The following HS3ST4 variants were observed in gnomAD, a reference collection of about 807,000 sequenced individuals.
The protein encoded by HS3ST4 is heparan sulfate glucosamine 3-O-sulfotransferase 4.
Under a neutral mutation model 29.2 loss-of-function variants are expected in HS3ST4, and 17 were observed. The observed-to-expected ratio is 0.58, with a 90% CI of 0.40 to 0.87. HS3ST4 has a LOEUF of 0.87. HS3ST4 is among the 40% of genes least tolerant of loss of function. The pLI is 0.00. For synonymous variants in HS3ST4, 314 were observed against 285.7 expected, an observed-to-expected ratio of 1.10 and a Z score of -1.00; for missense variants, 627 against 634.5, an observed-to-expected ratio of 0.99 and a Z score of 0.13.
chr16:25,742,270 G>A (rs887530260), intron 1 of HS3ST4, among the ~76,000 whole-genome samples: 1 of 152,122 alleles, frequency 6.6e-6, no homozygotes, highest in Non-Finnish European at 1.5e-5. Context: ...GAAATGGTAC[G>A]CAGAAGCTCC....
intron 1 of HS3ST4, among the ~76,000 whole-genome samples, chr16:25,986,092 C>G (rs2141725314): frequency 6.6e-6 from 1 of 152,276 alleles, no homozygotes; most frequent in East Asian, 1.9e-4. Context: ...ACTCTCTGCT[C>G]TGACCACACT....
At position 25,752,589 on chromosome 16, in the gene HS3ST4, A is replaced by G. The variant is rs989329648; in HGVS notation, c.734+59438A>G. ...TGTTTAAAAATCCTCAATCATTCTTACAGTCAATTCTACATTTTCTCAATA... is the reference window on the plus strand; with the variant it reads ...TGTTTAAAAATCCTCAATCATTCTTGCAGTCAATTCTACATTTTCTCAATA... On this transcript the variant is annotated intron_variant, in intron 1 of 1. Transcript: ENST00000331351. Among the ~76,000 whole-genome samples, 5 of 152,252 alleles carry G rather than the reference A, an allele frequency of 3.3e-5. No individual in the cohort carries two copies. The South Asian group carries it at 1.0e-3, about 31-fold the overall frequency.
intron 1 of HS3ST4, among the ~76,000 whole-genome samples, chr16:25,921,251 T>G (rs1968349879): frequency 6.6e-6 from 1 of 152,202 alleles, no homozygotes; most frequent in Non-Finnish European, 1.5e-5. Flanking sequence ...ATTCCCAAGG[T>G]TGCCCAAAGT....
At chr16:25,811,266 C>T (rs928318841) in intron 1 of HS3ST4, among the ~76,000 whole-genome samples, 1 of 152,020 alleles carries the variant, frequency 6.6e-6, no homozygotes, top group Admixed American at 6.6e-5. Context: ...CCCAAGAGAG[C>T]AAGACCAACC....
Position 26,136,249 on chromosome 16 carries a change from G to A in HS3ST4, c.*1G>A, listed in dbSNP as rs77646556. 8,462 of 1,608,580 alleles carry A rather than the reference G, an allele frequency of 5.3e-3. 381 individuals are homozygous for A. The African/African-American group carries it at 0.096, about 18-fold the overall frequency. The stretch of plus-strand genomic sequence containing the variant: ...GGAACAGGAAGAGGGTGATAAATGA[G>A]GCTAGAGAGGCAGAGGAAGGCTAGT... On this transcript the variant is annotated 3_prime_UTR_variant, in exon 2 of 2. Transcript: ENST00000331351.
chr16:25,899,724 G>A (rs1247348878), intron 1 of HS3ST4, among the ~76,000 whole-genome samples: 1 of 151,094 alleles, frequency 6.6e-6, no homozygotes, highest in Non-Finnish European at 1.5e-5. Flanking sequence ...ATGTTGATCA[G>A]GTTGGCTGAT....
intron 1 of HS3ST4, among the ~76,000 whole-genome samples, chr16:25,822,727 C>T (rs1967172849): frequency 6.6e-6 from 1 of 151,628 alleles, no homozygotes; most frequent in Non-Finnish European, 1.5e-5. Context: ...GTGTGTTCCC[C>T]CAGGATTACT....
At chr16:26,050,528 G>A (rs555773788) in intron 1 of HS3ST4, among the ~76,000 whole-genome samples, 4 of 152,244 alleles carry the variant, frequency 2.6e-5, no homozygotes, top group African/African-American at 7.2e-5. Flanking sequence ...TAGTCATTGA[G>A]CACATTTCAC....
intron 1 of HS3ST4, among the ~76,000 whole-genome samples, chr16:25,902,138 C>A (rs183676634): frequency 6.6e-6 from 1 of 152,290 alleles, no homozygotes; most frequent in African/African-American, 2.4e-5. Flanking sequence ...TGATAATCAG[C>A]TCACTGTCCA....
At chr16:26,017,690 C>G (rs552491419) in intron 1 of HS3ST4, among the ~76,000 whole-genome samples, 57 of 152,272 alleles carry the variant, frequency 3.7e-4, no homozygotes, top group African/African-American at 1.3e-3. Flanking sequence ...TCCTGGAGTT[C>G]ATCTTGAATC....
At chr16:26,078,142 T>C (rs1898685021) in intron 1 of HS3ST4, among the ~76,000 whole-genome samples, 1 of 152,134 alleles carries the variant, frequency 6.6e-6, no homozygotes, top group Admixed American at 6.6e-5. Context: ...CTTTATTTTA[T>C]TTATTTATTT....
chr16:25,814,155 G>A (rs1454114450), intron 1 of HS3ST4, among the ~76,000 whole-genome samples: 1 of 152,116 alleles, frequency 6.6e-6, no homozygotes, highest in Non-Finnish European at 1.5e-5. Context: ...TTTCAGTGGA[G>A]GCTAAATGGA....
intron 1 of HS3ST4, among the ~76,000 whole-genome samples, chr16:25,765,885 G>A (rs535952559): frequency 1.3e-5 from 2 of 152,272 alleles, no homozygotes; most frequent in African/African-American, 4.8e-5. Context: ...GATGTGGTTG[G>A]ACCGTGGCTG....
chr16:26,009,336 G>A (rs2141738567), intron 1 of HS3ST4, among the ~76,000 whole-genome samples: 1 of 152,260 alleles, frequency 6.6e-6, no homozygotes, highest in East Asian at 1.9e-4. Context: ...TTTCTACAAA[G>A]TCAAGGACCA....
intron 1 of HS3ST4, among the ~76,000 whole-genome samples, chr16:25,808,981 A>G (rs1228898684): frequency 6.6e-6 from 1 of 152,104 alleles, no homozygotes; most frequent in Non-Finnish European, 1.5e-5. Flanking sequence ...GGACACACTT[A>G]CTAGTTTTAT....
At chr16:25,883,659 T>G (rs1567264079) in intron 1 of HS3ST4, among the ~76,000 whole-genome samples, 1 of 152,162 alleles carries the variant, frequency 6.6e-6, no homozygotes. Context: ...GTAACCATGG[T>G]GTGGAGTGTT....
chr16:26,014,623 C>T (rs919946727), intron 1 of HS3ST4, among the ~76,000 whole-genome samples: 3 of 152,174 alleles, frequency 2.0e-5, no homozygotes, highest in East Asian at 1.9e-4. Context: ...CTTTAGTTCA[C>T]CTAGGATAAT....
In HS3ST4 at chr16:25,744,748, T is replaced by C. The variant is rs140982558; in HGVS notation, c.734+51597T>C. On this transcript the variant is annotated intron_variant, in intron 1 of 1. Coordinates refer to ENST00000331351, the MANE Select transcript of HS3ST4 (RefSeq NM_006040.3). ...GGGGCAGGTCTTTCCCATACTGTTCTTGTGATAGTGAATAAGTCTCATGAG... is the reference window on the plus strand; with the variant it reads ...GGGGCAGGTCTTTCCCATACTGTTCCTGTGATAGTGAATAAGTCTCATGAG... 7.1e-3 allele frequency among the ~76,000 whole-genome samples: 1,081 copies of C among 152,266 alleles called. 12 individuals are homozygous for C. The highest frequency in any genetic ancestry group is 0.024 in the African/African-American group (1,010 of 41,534).
intron 1 of HS3ST4, among the ~76,000 whole-genome samples, chr16:26,037,064 A>G (rs1017277425): frequency 6.6e-6 from 1 of 152,200 alleles, no homozygotes; most frequent in African/African-American, 2.4e-5. Context: ...GTGGGTACCA[A>G]TCAAGGTATC....
Sources: allele counts gnomAD v4.1 joint callset (sites outside exome capture counted in the v4.1 genomes callset), GRCh38; gene constraint gnomAD v4.1.1; transcripts MANE v1.5; gene names NCBI Gene and HGNC (gene_info 2026-07-23, HGNC 2026-07-21).